NRXN1: variants seen among roughly 807,000 people sequenced by gnomAD.
NRXN1 encodes the protein neurexin 1, also known as neurexin-1.
Under a neutral mutation model 150.9 loss-of-function variants are expected in NRXN1, and 39 were observed. That is an observed-to-expected ratio of 0.26 (90% CI 0.20 to 0.34). The LOEUF (loss-of-function observed/expected upper bound fraction) is 0.34. Among genes scored for constraint, NRXN1 ranks in the 10% least tolerant of loss-of-function variants. NRXN1 has a pLI of 1.00. For missense variants in NRXN1, 1,815 were observed against 1,949.9 expected (o/e 0.93, Z 1.30); for synonymous variants, 924 against 757.0 (o/e 1.22, Z -3.62).
At chr2:50,731,550 A>G (rs994776860) in intron 5 of NRXN1, among the ~76,000 whole-genome samples, 1 of 152,182 alleles carries the variant, frequency 6.6e-6, no homozygotes, top group African/African-American at 2.4e-5. Flanking sequence ...CAAAAGCACC[A>G]ATGATCTAGA....
chr2:50,855,913 T>C (rs529423926), intron 5 of NRXN1, among the ~76,000 whole-genome samples: 2 of 152,096 alleles, frequency 1.3e-5, no homozygotes, highest in African/African-American at 4.8e-5. Context: ...TTGTCAACAA[T>C]TGAAACAAAA....
chr2:50,189,944 C>A (rs1241156848), intron 18 of NRXN1, among the ~76,000 whole-genome samples: 1 of 152,102 alleles, frequency 6.6e-6, no homozygotes, highest in African/African-American at 2.4e-5. Flanking sequence ...CTACATTTCA[C>A]AAATCAAACT....
chr2:50,347,941 G>T lies in NRXN1; in HGVS notation c.3365-110971C>A. ...CCCTTGCATTCTCCACGCATCAAAG[G>T]GACACGTGTAAGGCGAAACGGGAAC... On this transcript the variant is annotated intron_variant, in intron 17 of 22. Coordinates refer to ENST00000401669, the MANE Select transcript of NRXN1 (RefSeq NM_001330078.2). The surrounding 1 kb of genome is among the most constrained non-coding windows in gnomAD (Gnocchi z 4.9). 1 of 650,966 alleles carries T rather than the reference G, an allele frequency of 1.5e-6. No homozygotes were observed. The highest frequency in any genetic ancestry group is 1.9e-6 in the Non-Finnish European group (1 of 524,686). The allele number at this position is 650,966 out of a possible 1,614,324, so 40.3% of individuals were successfully genotyped here. A position where few individuals can be genotyped will look rare whatever the true frequency, so the allele number is the denominator to read the frequency against.
At chr2:50,047,800 C>T (rs1319522552) in intron 21 of NRXN1, among the ~76,000 whole-genome samples, 2 of 151,622 alleles carry the variant, frequency 1.3e-5, no homozygotes, top group Admixed American at 6.6e-5. Context: ...AACATAAGTT[C>T]GGTGCAGAAA....
chr2:50,241,506 C>T (rs1036181649), intron 17 of NRXN1, among the ~76,000 whole-genome samples: 2 of 151,704 alleles, frequency 1.3e-5, no homozygotes, highest in East Asian at 1.9e-4. Context: ...TCCATCAGAT[C>T]GCTGAATGTA....
At chr2:50,556,565 G>A (rs1283854134) in intron 8 of NRXN1, among the ~76,000 whole-genome samples, 1 of 150,532 alleles carries the variant, frequency 6.6e-6, no homozygotes, top group Non-Finnish European at 1.5e-5. Context: ...CGCTTCATGG[G>A]CTTCTTTCCC....
intron 18 of NRXN1, among the ~76,000 whole-genome samples, chr2:50,166,944 G>T (rs1313908818): frequency 4.6e-5 from 7 of 152,278 alleles, no homozygotes; most frequent in African/African-American, 1.7e-4. Flanking sequence ...TAGTCAAGTA[G>T]GATGGAGGCT....
intron 22 of NRXN1, among the ~76,000 whole-genome samples, chr2:49,928,178 G>A (rs577177699): frequency 6.6e-6 from 1 of 151,300 alleles, no homozygotes; most frequent in East Asian, 1.9e-4. Flanking sequence ...GGACCATAAG[G>A]GATCATTAAA....
chr2:50,588,787 G>A (rs191126448), intron 8 of NRXN1: 4 of 152,150 alleles, frequency 2.6e-5, no homozygotes, highest in African/African-American at 9.7e-5. Context: ...CAGATCATTT[G>A]ATGTTACTTC....
At position 50,642,216 on chromosome 2, in the gene NRXN1, A is replaced by G. The variant is rs531285835; in HGVS notation, c.833-18601T>C. The stretch of plus-strand genomic sequence containing the variant: ...CCATGCTAATTGCTTTGAAGAAGAC[A>G]AAGTTGAATTAGACAGGGATCCAGT... On this transcript the variant is annotated intron_variant, in intron 5 of 22. Coordinates refer to ENST00000401669, the MANE Select transcript of NRXN1 (RefSeq NM_001330078.2). Among the ~76,000 whole-genome samples, 6 of 152,186 alleles carry G rather than the reference A, an allele frequency of 3.9e-5. No individual in the cohort carries two copies. In the East Asian group the frequency reaches 9.7e-4, roughly 25 times the overall value.
intron 5 of NRXN1, among the ~76,000 whole-genome samples, chr2:50,737,779 G>A (rs1163780327): frequency 1.3e-5 from 2 of 151,996 alleles, no homozygotes; most frequent in African/African-American, 2.4e-5. Context: ...AATGAAAATC[G>A]TTTATGAATA....
intron 14 of NRXN1, 65 bp downstream of exon 14, chr2:50,497,268 T>C: frequency 7.7e-7 from 1 of 1,291,468 alleles, no homozygotes; most frequent in Non-Finnish European, 1.0e-6. Context: ...AGTGTATATT[T>C]TTGGAAATTG....
At chr2:50,434,043 ATTTTTTTTTTTT>A (rs748364051) in intron 17 of NRXN1, among the ~76,000 whole-genome samples, 10 of 72,152 alleles carry the variant, frequency 1.4e-4, no homozygotes, top group Non-Finnish European at 2.7e-4. Context: ...TATCTAAGCC[ATTTTTTTTTTTT>A]TTTTTTTTTT....
chr2:50,787,490 A>C (rs1395828047), intron 5 of NRXN1, among the ~76,000 whole-genome samples: 1 of 148,084 alleles, frequency 6.8e-6, no homozygotes, highest in East Asian at 2.0e-4. Flanking sequence ...TGAACCCAGG[A>C]GGTAGAGGTT....
intron 5 of NRXN1, among the ~76,000 whole-genome samples, chr2:50,644,117 G>A (rs1384175215): frequency 1.3e-5 from 2 of 150,002 alleles, no homozygotes; most frequent in East Asian, 2.0e-4. Flanking sequence ...ATTTTTTAAC[G>A]TTCAGGTAAG....
rs778670201 is a variant in NRXN1, at chr2:50,538,295, C to T, written c.2101G>A (p.Asp701Asn). The change falls in exon 10 of 23, where the codon GAT becomes AAT. Residue 701 changes from aspartate (D) to asparagine (N), a missense_variant. By Grantham distance (23) the Asp-to-Asn change is conservative (BLOSUM62 1). Coordinates refer to ENST00000401669, the MANE Select transcript of NRXN1 (RefSeq NM_001330078.2). ...CRDGWNRYVCDCSGTGYLGRS... is the reference protein window; with the variant it reads ...CRDGWNRYVCNCSGTGYLGRS... Reference sequence around the variant, plus strand: ...CCAAGATAGCCTGTTCCGGAACAATCACAGACATATCTGTTCCACCCATCC... The same window carrying T: ...CCAAGATAGCCTGTTCCGGAACAATTACAGACATATCTGTTCCACCCATCC... 6.2e-7 allele frequency: 1 copy of T among 1,613,842 alleles called. No homozygotes were observed. Among genetic ancestry groups the T allele is most frequent in the South Asian group, 1.1e-5 (1 of 91,070 alleles).
At chr2:50,312,868 C>G (rs573298212) in intron 17 of NRXN1, 1 of 455,658 alleles carries the variant, frequency 2.2e-6, no homozygotes, top group Admixed American at 2.3e-5. Flanking sequence ...TTGATAGAGG[C>G]AGGCAGTGCT....
intron 17 of NRXN1, among the ~76,000 whole-genome samples, chr2:50,329,228 G>C (rs191595545): frequency 1.4e-4 from 21 of 152,136 alleles, no homozygotes; most frequent in African/African-American, 4.8e-4. Flanking sequence ...TGAATAAAAG[G>C]AACACATCAC....
At chr2:50,939,593 A>G (rs1374301580) in intron 2 of NRXN1, among the ~76,000 whole-genome samples, 1 of 152,124 alleles carries the variant, frequency 6.6e-6, no homozygotes, top group African/African-American at 2.4e-5. Context: ...GATAAACTTC[A>G]AGAATAAGCA....
Sources: allele counts gnomAD v4.1 joint callset (sites outside exome capture counted in the v4.1 genomes callset), GRCh38; gene constraint gnomAD v4.1.1; non-coding constraint Gnocchi (gnomAD v3.1); transcripts MANE v1.5; gene names NCBI Gene and HGNC (gene_info 2026-07-23, HGNC 2026-07-21).